Variants in C10orf90 observed in about 807,000 individuals in gnomAD.
The protein encoded by C10orf90 is chromosome 10 open reading frame 90.
C10orf90 carries 56 observed loss-of-function variants against 62.5 expected under a neutral mutation model. The ratio of observed to expected loss-of-function variants is 0.90; its 90% CI spans 0.72 to 1.12. The LOEUF (loss-of-function observed/expected upper bound fraction) is 1.12, where lower values mean the gene tolerates loss of function less well. Ranked by LOEUF, C10orf90 falls within the 50% of genes most tolerant of loss-of-function variation. The pLI, the probability that C10orf90 is intolerant of heterozygous loss-of-function variation, is 0.00. For missense variants in C10orf90, 970 were observed against 880.4 expected (o/e 1.10, Z -1.29); for synonymous variants, 386 against 340.4 (o/e 1.13, Z -1.47).
chr10:126,441,244 G>A (rs1159934730), intron 7 of C10orf90, among the ~76,000 whole-genome samples: 1 of 152,022 alleles, frequency 6.6e-6, no homozygotes, highest in East Asian at 1.9e-4. Flanking sequence ...AAAATGCTCT[G>A]GAAAGTCTCA....
intron 2 of C10orf90, among the ~76,000 whole-genome samples, chr10:126,535,656 A>T (rs1864215499): frequency 1.3e-5 from 2 of 152,174 alleles, no homozygotes; most frequent in Non-Finnish European, 2.9e-5. Context: ...TTAAAAAAAA[A>T]TTTGTCTTAG....
At chr10:126,576,707 A>ACATAT (rs1564879095) in intron 2 of C10orf90, among the ~76,000 whole-genome samples, 4 of 41,410 alleles carry the variant, frequency 9.7e-5, no homozygotes, top group African/African-American at 3.7e-4. Flanking sequence ...ATGTATATGT[A>ACATAT]TATATATACA....
At chr10:126,445,823 A>ATC (rs1858736269) in intron 7 of C10orf90, among the ~76,000 whole-genome samples, 1 of 130,740 alleles carries the variant, frequency 7.6e-6, no homozygotes, top group African/African-American at 2.9e-5. Flanking sequence ...ATATATATAT[A>ATC]TATACAATGG....
chr10:126,527,998 A>G (rs1278074345), intron 2 of C10orf90, among the ~76,000 whole-genome samples: 1 of 152,206 alleles, frequency 6.6e-6, no homozygotes, highest in Admixed American at 6.5e-5. Flanking sequence ...CTTGATTGCA[A>G]AATAAGTACG....
At chr10:126,565,335 TATATATA>T (rs1176802916) in intron 2 of C10orf90, among the ~76,000 whole-genome samples, 131 of 44,470 alleles carry the variant, frequency 2.9e-3, no homozygotes, top group African/African-American at 7.2e-3. Context: ...ATATTTATAT[TATATATA>T]ATATATAATA....
At chr10:126,506,354 C>T (rs1396503851) in intron 3 of C10orf90, among the ~76,000 whole-genome samples, 3 of 152,236 alleles carry the variant, frequency 2.0e-5, no homozygotes, top group Non-Finnish European at 1.5e-5. Flanking sequence ...CTAACAGGGT[C>T]CTGGCCCCCG....
At chr10:126,615,254 C>T (rs12414630) in intron 2 of C10orf90, among the ~76,000 whole-genome samples, 2 of 152,138 alleles carry the variant, frequency 1.3e-5, no homozygotes, top group East Asian at 1.9e-4. Flanking sequence ...CCAGGGTCAG[C>T]GGGGAGGAAC....
At chr10:126,603,573 T>G (rs189593546) in intron 2 of C10orf90, among the ~76,000 whole-genome samples, 251 of 152,266 alleles carry the variant, frequency 1.6e-3, no homozygotes, top group African/African-American at 5.9e-3. Flanking sequence ...GCTGCCCTGA[T>G]TGCTAGCTGT....
intron 2 of C10orf90, among the ~76,000 whole-genome samples, chr10:126,597,164 A>G (rs758071958): frequency 1.3e-5 from 2 of 152,258 alleles, no homozygotes; most frequent in Non-Finnish European, 2.9e-5. Context: ...AAAGTTAAAT[A>G]TATGTTTACA....
At chr10:126,548,960 T>C (rs969075111) in intron 2 of C10orf90, among the ~76,000 whole-genome samples, 2 of 152,002 alleles carry the variant, frequency 1.3e-5, no homozygotes, top group African/African-American at 2.4e-5. Context: ...AACTAGACAC[T>C]CAAAGGCCAA....
intron 4 of C10orf90, chr10:126,470,104 C>T: frequency 2.2e-6 from 1 of 445,070 alleles, no homozygotes; most frequent in Non-Finnish European, 4.6e-6. Context: ...GGAAGGCACT[C>T]TTCTGCATGT....
At position 126,594,984 on chromosome 10, in the gene C10orf90, T is replaced by G. The variant is rs539454276; in HGVS notation, c.313+51581A>C. 3.3e-5 allele frequency among the ~76,000 whole-genome samples: 5 copies of G among 152,296 alleles called. No individual in the cohort carries two copies. The South Asian group carries it at 1.0e-3, about 32-fold the overall frequency. ...AGGAGAGACATGATCAGGTTCATGC[T>G]AAGAGAGACCACTCTACTTTAAAAG... On this transcript the variant is annotated intron_variant, in intron 2 of 9. Transcript: ENST00000488181.
At chr10:126,633,050 T>C (rs1845880815) in intron 2 of C10orf90, among the ~76,000 whole-genome samples, 1 of 152,214 alleles carries the variant, frequency 6.6e-6, no homozygotes, top group Non-Finnish European at 1.5e-5. Context: ...CCCAAGCCTA[T>C]GCCAGGTCCT....
At chr10:126,428,308 C>A (rs1857375844) in intron 8 of C10orf90, among the ~76,000 whole-genome samples, 1 of 152,048 alleles carries the variant, frequency 6.6e-6, no homozygotes, top group Non-Finnish European at 1.5e-5. Context: ...GGGCTGGGAA[C>A]AGGGAGGGGA....
intron 2 of C10orf90, among the ~76,000 whole-genome samples, chr10:126,552,968 GA>G (rs1335675262): frequency 6.6e-6 from 1 of 152,112 alleles, no homozygotes; most frequent in Non-Finnish European, 1.5e-5. Context: ...TCGGTTGGGG[GA>G]AAAAAATGAA....
chr10:126,565,366 A>G (rs1165460901), intron 2 of C10orf90, among the ~76,000 whole-genome samples: 2 of 76,534 alleles, frequency 2.6e-5, no homozygotes, highest in East Asian at 3.5e-4. Flanking sequence ...AATATATATT[A>G]TTTTATATAA....
intron 4 of C10orf90, among the ~76,000 whole-genome samples, chr10:126,475,034 C>G (rs1564818345): frequency 6.6e-6 from 1 of 152,188 alleles, no homozygotes; most frequent in Admixed American, 6.5e-5. Context: ...TGGGATCCTT[C>G]AGATAATCAA....
At chr10:126,438,973 AC>A (rs1187101575) in intron 7 of C10orf90, among the ~76,000 whole-genome samples, 3 of 151,934 alleles carry the variant, frequency 2.0e-5, no homozygotes, top group African/African-American at 7.3e-5. Context: ...CATGCCCCAG[AC>A]CCTGGTTTCA....
chr10:126,459,960 G>T (rs1859861107), intron 6 of C10orf90, among the ~76,000 whole-genome samples: 1 of 152,354 alleles, frequency 6.6e-6, no homozygotes, highest in East Asian at 1.9e-4. Flanking sequence ...TGTTCAGGAA[G>T]GCAGGAATAT....
Sources: allele counts gnomAD v4.1 joint callset (sites outside exome capture counted in the v4.1 genomes callset), GRCh38; gene constraint gnomAD v4.1.1; transcripts MANE v1.5; gene names NCBI Gene and HGNC (gene_info 2026-07-23, HGNC 2026-07-21).